MNAT1: variants seen among roughly 807,000 people sequenced by gnomAD.
MNAT1 encodes the protein CDK-activating kinase assembly factor MAT1.
Under a neutral mutation model 42.0 loss-of-function variants are expected in MNAT1, and 43 were observed. That is an observed-to-expected ratio of 1.02 (90% confidence interval 0.80 to 1.32). The LOEUF (loss-of-function observed/expected upper bound fraction) is 1.32. Ranked by LOEUF, MNAT1 falls within the 40% of genes most tolerant of loss-of-function variation. The pLI is 0.00. For missense variants in MNAT1, 306 were observed against 350.4 expected (o/e 0.87, Z 1.01); for synonymous variants, 118 against 120.0 (o/e 0.98, Z 0.11).
chr14:60,827,550 A>G (rs890542372), intron 6 of MNAT1, among the ~76,000 whole-genome samples: 3 of 152,222 alleles, frequency 2.0e-5, no homozygotes, highest in African/African-American at 7.2e-5. Context: ...CTGTAAAGCC[A>G]TAAGTTTGTG....
intron 5 of MNAT1, among the ~76,000 whole-genome samples, chr14:60,815,207 T>C (rs1315171068): frequency 6.6e-6 from 1 of 152,050 alleles, no homozygotes; most frequent in Non-Finnish European, 1.5e-5. Flanking sequence ...CAATTATTCT[T>C]GCATATTCTT....
chr14:60,963,979 C>G (rs2036640215), intron 7 of MNAT1, among the ~76,000 whole-genome samples: 1 of 152,116 alleles, frequency 6.6e-6, no homozygotes, highest in Non-Finnish European at 1.5e-5. Context: ...GCTGAGAACT[C>G]AAAGCATTGT....
In MNAT1 at chr14:60,843,703, T is replaced by C. The variant is rs546598379; in HGVS notation, c.687+24856T>C. ...CAATGTGTTGAACATAAGTCCTTTGTCAGACATCTGTTTTATGAATAATTT... is the reference window on the plus strand; with the variant it reads ...CAATGTGTTGAACATAAGTCCTTTGCCAGACATCTGTTTTATGAATAATTT... On this transcript the variant is annotated intron_variant, in intron 6 of 7. Coordinates refer to ENST00000261245, the MANE Select transcript of MNAT1 (RefSeq NM_002431.4). Among the ~76,000 whole-genome samples, 241 of 152,346 alleles carry C rather than the reference T, an allele frequency of 1.6e-3. 1 individual carries two copies. Among genetic ancestry groups the C allele is most frequent in the African/African-American group, 5.6e-3 (232 of 41,588 alleles).
Position 60,935,007 on chromosome 14 carries a change from GTTGT to G in MNAT1, c.810-33219_810-33216del, listed in dbSNP as rs571837811. Among the ~76,000 whole-genome samples the G allele has an allele frequency of 3.4e-3, 524 of 152,288 alleles. 3 individuals are homozygous for G. The highest frequency in any genetic ancestry group is 0.011 in the African/African-American group (455 of 41,558). On this transcript the variant is annotated intron_variant, in intron 7 of 7. Coordinates refer to ENST00000261245, the MANE Select transcript of MNAT1 (RefSeq NM_002431.4). ...GTACCTTAGTACCTTTGTATTTGTG[GTTGT>G]TTATTATTCATTTTCCATTTAACAT...
At position 60,948,483 on chromosome 14, in the gene MNAT1, C is replaced by T. The variant is rs559742225; in HGVS notation, c.810-19746C>T. Among the ~76,000 whole-genome samples the T allele has an allele frequency of 4.6e-5, 7 of 152,022 alleles. No individual in the cohort carries two copies. The South Asian group carries it at 1.5e-3, about 32-fold the overall frequency. ...CCCTCAGGATTTGACACTGAGAATA[C>T]ATCATATTCTCTCAGGCCTCAAGTC... On this transcript the variant is annotated intron_variant, in intron 7 of 7. Transcript: ENST00000261245.
intron 6 of MNAT1, among the ~76,000 whole-genome samples, chr14:60,844,791 GA>G (rs2033642989): frequency 6.6e-6 from 1 of 151,950 alleles, no homozygotes; most frequent in South Asian, 2.1e-4. Flanking sequence ...TCAGATTGAG[GA>G]AAGTTCCTTC....
At chr14:60,756,895 G>A (rs558347342) in intron 1 of MNAT1, among the ~76,000 whole-genome samples, 1 of 152,230 alleles carries the variant, frequency 6.6e-6, no homozygotes, top group South Asian at 2.1e-4. Flanking sequence ...ATGACAACAG[G>A]ATATTCACTT....
rs201502849 is a variant in MNAT1 at position 60,808,387 on chromosome 14, A to G, written c.379A>G (p.Lys127Glu). 11 of 1,580,266 alleles carry G rather than the reference A, an allele frequency of 7.0e-6. No homozygotes were observed. The Admixed American group carries it at 2.1e-4, about 30-fold the overall frequency. Residue 127 changes from lysine to glutamate, a missense_variant, in exon 4 of 8, where the codon AAG (lysine) becomes GAG (glutamate). Lys to Glu is a moderately conservative substitution (Grantham distance 56). Transcript: ENST00000261245. ...NTKKKMEIYQ[K>E]ENKDVIQKNK... ...CAAAAAGAAAATGGAGATATACCAA[A>G]AGGAAAACAAAGATGTTATTCAGAA... is the stretch of plus-strand genomic sequence containing the variant.
chr14:60,907,195 A>C (rs1159236249), intron 7 of MNAT1, among the ~76,000 whole-genome samples: 1 of 152,038 alleles, frequency 6.6e-6, no homozygotes, highest in Admixed American at 6.6e-5. Flanking sequence ...TAATCCCAAC[A>C]CCCTCGAGGC....
At chr14:60,817,954 G>A (rs145680098) in intron 5 of MNAT1, among the ~76,000 whole-genome samples, 86 of 151,682 alleles carry the variant, frequency 5.7e-4, no homozygotes, top group African/African-American at 1.9e-3. Flanking sequence ...CTCCTGGTAC[G>A]TCCTTCTGCA....
At chr14:60,791,425 G>T (rs1334357189) in intron 1 of MNAT1, among the ~76,000 whole-genome samples, 1 of 152,064 alleles carries the variant, frequency 6.6e-6, no homozygotes, top group African/African-American at 2.4e-5. Context: ...GCACTTTGTT[G>T]AGGTAGTTTA....
rs71114168 is a variant in MNAT1, at chr14:60,930,206, TTTATTATTATTATTA to T, written c.810-37996_810-37982del. Among the ~76,000 whole-genome samples the T allele has an allele frequency of 5.8e-5, 8 of 138,742 alleles. No individual in the cohort carries two copies. The East Asian group carries it at 6.2e-4, about 11-fold the overall frequency. The allele number at this position is 138,742 out of a possible 152,430, so 91.0% of individuals were successfully genotyped here. The stretch of plus-strand genomic sequence containing the variant: ...TATTACTAAAGATTCTTCTTCCGTC[TTTATTATTATTATTA>T]TTATTATTATTATTATTATTATTAT... On this transcript the variant is annotated intron_variant, in intron 7 of 7. Coordinates refer to ENST00000261245, the MANE Select transcript of MNAT1 (RefSeq NM_002431.4).
chr14:60,801,838 G>A (rs184204878), intron 3 of MNAT1, among the ~76,000 whole-genome samples: 5 of 152,234 alleles, frequency 3.3e-5, no homozygotes, highest in Admixed American at 6.5e-5. Flanking sequence ...ATAACCTATA[G>A]CCCTATTCAC....
chr14:60,945,741 G>T (rs554131310), intron 7 of MNAT1, among the ~76,000 whole-genome samples: 1 of 151,848 alleles, frequency 6.6e-6, no homozygotes, highest in Non-Finnish European at 1.5e-5. Flanking sequence ...TAGTTCTGCC[G>T]AGAGAAGCTG....
At chr14:60,956,504 C>CT (rs2036490149) in intron 7 of MNAT1, among the ~76,000 whole-genome samples, 1 of 152,136 alleles carries the variant, frequency 6.6e-6, no homozygotes, top group Non-Finnish European at 1.5e-5. Context: ...CTGTATACGT[C>CT]TGTTAGGTTT....
intron 7 of MNAT1, among the ~76,000 whole-genome samples, chr14:60,952,287 T>C (rs1034774244): frequency 6.6e-6 from 1 of 152,204 alleles, no homozygotes; most frequent in East Asian, 1.9e-4. Flanking sequence ...CTAAGGAATT[T>C]GGACTTCATG....
intron 6 of MNAT1, among the ~76,000 whole-genome samples, chr14:60,847,662 G>A (rs1467343251): frequency 6.6e-6 from 1 of 151,714 alleles, no homozygotes; most frequent in African/African-American, 2.4e-5. Flanking sequence ...GCTCTTTTTT[G>A]TGTTAAATAG....
chr14:60,771,273 C>T (rs1427075322), intron 1 of MNAT1, among the ~76,000 whole-genome samples: 1 of 151,890 alleles, frequency 6.6e-6, no homozygotes, highest in East Asian at 1.9e-4. Context: ...TGGCATTTTA[C>T]TGTGGTTTTA....
intron 7 of MNAT1, among the ~76,000 whole-genome samples, chr14:60,916,796 T>TA (rs1358187484): frequency 1.3e-5 from 2 of 151,914 alleles, no homozygotes; most frequent in African/African-American, 2.4e-5. Flanking sequence ...TACTAAAATA[T>TA]AAAAAAATTA....
Sources: allele counts gnomAD v4.1 joint callset (sites outside exome capture counted in the v4.1 genomes callset), GRCh38; gene constraint gnomAD v4.1.1; transcripts MANE v1.5; gene names NCBI Gene and HGNC (gene_info 2026-07-23, HGNC 2026-07-21).